KCTD8: variants seen among roughly 807,000 people sequenced by gnomAD.
KCTD8 encodes the protein BTB/POZ domain-containing protein KCTD8.
In KCTD8, 27 loss-of-function variants were observed where a neutral mutation model predicts 31.5. The ratio of observed to expected loss-of-function variants is 0.86; its 90% CI spans 0.63 to 1.18. The LOEUF (loss-of-function observed/expected upper bound fraction) is 1.18. Among genes scored for constraint, KCTD8 ranks in the 50% most tolerant of loss-of-function variants. The pLI, the probability that KCTD8 is intolerant of heterozygous loss-of-function variation, is 0.00. For missense variants in KCTD8, 658 were observed against 647.7 expected (o/e 1.02, Z -0.17); for synonymous variants, 290 against 280.0 (o/e 1.04, Z -0.36).
chr4:44,343,118 C>T (rs572028533), intron 1 of KCTD8, among the ~76,000 whole-genome samples: 81 of 152,276 alleles, frequency 5.3e-4, no homozygotes, highest in African/African-American at 1.9e-3. Flanking sequence ...GTGTAAAAGG[C>T]CTAGCTTTTG....
At chr4:44,243,473 C>T (rs1458451556) in intron 1 of KCTD8, among the ~76,000 whole-genome samples, 3 of 152,202 alleles carry the variant, frequency 2.0e-5, no homozygotes, top group Non-Finnish European at 2.9e-5. Context: ...TATGCATACA[C>T]TCTTTTAGAG....
intron 1 of KCTD8, among the ~76,000 whole-genome samples, chr4:44,274,651 G>C (rs184190714): frequency 1.2e-3 from 182 of 151,876 alleles, no homozygotes; most frequent in African/African-American, 4.1e-3. Context: ...CTTGGCCCAT[G>C]TCAAAAATTT....
At chr4:44,366,997 T>TA (rs1719655593) in intron 1 of KCTD8, among the ~76,000 whole-genome samples, 1 of 152,202 alleles carries the variant, frequency 6.6e-6, no homozygotes, top group Non-Finnish European at 1.5e-5. Flanking sequence ...GAGTGGCTGA[T>TA]AGACATCCTC....
intron 1 of KCTD8, among the ~76,000 whole-genome samples, chr4:44,277,115 A>G (rs1469930779): frequency 6.6e-6 from 1 of 151,958 alleles, no homozygotes; most frequent in African/African-American, 2.4e-5. Flanking sequence ...CTAACTGATA[A>G]ACATTAAAGT....
intron 1 of KCTD8, among the ~76,000 whole-genome samples, chr4:44,298,604 A>G (rs1717514484): frequency 6.6e-6 from 1 of 152,160 alleles, no homozygotes; most frequent in Non-Finnish European, 1.5e-5. Flanking sequence ...AGCTCCCTGG[A>G]GAAGGTCCCT....
chr4:44,401,463 C>T (rs1227793030), intron 1 of KCTD8, among the ~76,000 whole-genome samples: 3 of 152,032 alleles, frequency 2.0e-5, no homozygotes, highest in Non-Finnish European at 4.4e-5. Flanking sequence ...TGAGAAAGTA[C>T]AGTTGGGAGA....
intron 1 of KCTD8, among the ~76,000 whole-genome samples, chr4:44,212,464 T>C (rs975329633): frequency 2.0e-5 from 3 of 152,154 alleles, no homozygotes; most frequent in Non-Finnish European, 2.9e-5. Flanking sequence ...TAGTTTGTCC[T>C]ATGGAACTCA....
intron 1 of KCTD8, among the ~76,000 whole-genome samples, chr4:44,332,713 A>C (rs1250578866): frequency 6.6e-6 from 1 of 151,980 alleles, no homozygotes; most frequent in Non-Finnish European, 1.5e-5. Flanking sequence ...TTTTTTAAAA[A>C]AGAAAACTCC....
At chr4:44,348,347 C>A (rs1360861341) in intron 1 of KCTD8, among the ~76,000 whole-genome samples, 1 of 152,080 alleles carries the variant, frequency 6.6e-6, no homozygotes, top group Admixed American at 6.6e-5. Context: ...GAAAGTCCAA[C>A]TTGAAAATAT....
chr4:44,444,074 G>C (rs1163086586), intron 1 of KCTD8, among the ~76,000 whole-genome samples: 6 of 152,234 alleles, frequency 3.9e-5, no homozygotes, highest in African/African-American at 1.4e-4. Context: ...AGTTAAGACT[G>C]AGAACAGATA....
intron 1 of KCTD8, among the ~76,000 whole-genome samples, chr4:44,349,013 T>C (rs1719118662): frequency 1.3e-5 from 2 of 152,224 alleles, no homozygotes; most frequent in South Asian, 2.1e-4. Context: ...GACAAGACTA[T>C]AGAAAAACTT....
In KCTD8 at chr4:44,218,604, C is replaced by G. The variant is rs1158538442; in HGVS notation, c.962-43354G>C. Among the ~76,000 whole-genome samples, 3 of 147,374 alleles carry G rather than the reference C, an allele frequency of 2.0e-5. No individual in the cohort carries two copies. The Admixed American group carries it at 2.0e-4, about 10-fold the overall frequency. On this transcript the variant is annotated intron_variant, in intron 1 of 1. Transcript: ENST00000360029. ...TATATAAATATATATAGATATATAT[C>G]TACTATGTACTCACAAAAATTAAAA...
At chr4:44,434,471 A>AAGGAAATAGGGT (rs963977270) in intron 1 of KCTD8, among the ~76,000 whole-genome samples, 8 of 152,022 alleles carry the variant, frequency 5.3e-5, no homozygotes, top group Admixed American at 4.6e-4. Flanking sequence ...TTATTAACTA[A>AAGGAAATAGGGT]AGGAAATAGG....
chr4:44,242,682 G>A (rs1163409610), intron 1 of KCTD8, among the ~76,000 whole-genome samples: 1 of 152,098 alleles, frequency 6.6e-6, no homozygotes, highest in East Asian at 1.9e-4. Context: ...CCCAGTATTG[G>A]AGATGGGGCC....
intron 1 of KCTD8, among the ~76,000 whole-genome samples, chr4:44,348,133 T>C (rs922532677): frequency 6.6e-6 from 1 of 152,158 alleles, no homozygotes; most frequent in African/African-American, 2.4e-5. Flanking sequence ...TTAAAATGAC[T>C]GTATTACACA....
chr4:44,205,547 AT>A (rs1178973003), intron 1 of KCTD8, among the ~76,000 whole-genome samples: 1 of 152,220 alleles, frequency 6.6e-6, no homozygotes, highest in Non-Finnish European at 1.5e-5. Flanking sequence ...CTCTAAAATA[AT>A]TTTTTTGCTG....
intron 1 of KCTD8, among the ~76,000 whole-genome samples, chr4:44,363,208 G>A (rs1719544610): frequency 6.6e-6 from 1 of 152,094 alleles, no homozygotes; most frequent in African/African-American, 2.4e-5. Context: ...ATTATTAGAA[G>A]AGAATCAGTA....
chr4:44,381,635 G>T (rs1488681043), intron 1 of KCTD8, among the ~76,000 whole-genome samples: 1 of 152,060 alleles, frequency 6.6e-6, no homozygotes, highest in African/African-American at 2.4e-5. Flanking sequence ...TGCTGGAGGT[G>T]GGGCCTGGTG....
intron 1 of KCTD8, among the ~76,000 whole-genome samples, chr4:44,323,701 A>G (rs184730206): frequency 6.6e-6 from 1 of 151,888 alleles, no homozygotes; most frequent in South Asian, 2.1e-4. Context: ...TTTTGTACCA[A>G]CCTAATAGTT....
Sources: allele counts gnomAD v4.1 joint callset (sites outside exome capture counted in the v4.1 genomes callset), GRCh38; gene constraint gnomAD v4.1.1; transcripts MANE v1.5; gene names NCBI Gene and HGNC (gene_info 2026-07-23, HGNC 2026-07-21).